Variants in FAS observed in about 807,000 individuals in gnomAD.
The protein encoded by FAS is Fas cell surface death receptor.
FAS carries 5 observed loss-of-function variants against 33.2 expected under a neutral mutation model. The observed-to-expected ratio is 0.15, with a 90% CI of 0.08 to 0.32. The LOEUF (loss-of-function observed/expected upper bound fraction) is 0.32. FAS is among the 10% of genes least tolerant of loss of function. The pLI is 1.00. For synonymous variants in FAS, 131 were observed against 130.7 expected (o/e 1.00, Z -0.01); for missense variants, 339 against 386.0 (o/e 0.88, Z 1.02).
chr10:88,993,553 A>G (rs1847401150), intron 1 of FAS, among the ~76,000 whole-genome samples: 1 of 152,148 alleles, frequency 6.6e-6, no homozygotes, highest in Non-Finnish European at 1.5e-5. Context: ...TCTCCTTTAC[A>G]TTTTGTAGAA....
intron 1 of FAS, chr10:88,991,444 A>C (rs1378573456): frequency 9.8e-6 from 2 of 203,418 alleles, no homozygotes; most frequent in African/African-American, 2.4e-5. Flanking sequence ...TCTCAGACGT[A>C]GGAAATAAGT....
At chr10:88,982,342 G>T (rs2133351016), upstream of FAS, among the ~76,000 whole-genome samples, 1 of 152,272 alleles carries the variant, frequency 6.6e-6, no homozygotes, top group Middle Eastern at 3.4e-3. Context: ...ATTAAAAGTT[G>T]CATGTGTATG....
upstream of FAS, among the ~76,000 whole-genome samples, chr10:88,988,434 TTTGTTTTTTATCTTAACTCTTCCTG>T (rs1564666912): frequency 8.7e-5 from 3 of 34,414 alleles, no homozygotes; most frequent in Non-Finnish European, 4.9e-5. Flanking sequence ...TTTTTTTTGT[TTTGTTTTTTATCTTAACTCTTCCTG>T]TTTTTTTACA....
chr10:88,983,009 G>A (rs758482155), upstream of FAS, among the ~76,000 whole-genome samples: 3 of 152,196 alleles, frequency 2.0e-5, no homozygotes, highest in African/African-American at 7.2e-5. Context: ...TCACATGGGA[G>A]CTGGTGAGAA....
chr10:88,989,533 T>C (rs1267646392), upstream of FAS: 1 of 543,744 alleles, frequency 1.8e-6, no homozygotes, highest in Non-Finnish European at 3.6e-6. Context: ...AACAGTCTAC[T>C]GAAAGGTGGA....
At chr10:88,979,559 C>T (rs780457943) in intron 2 of FAS, among the ~76,000 whole-genome samples, 4 of 152,028 alleles carry the variant, frequency 2.6e-5, no homozygotes, top group Non-Finnish European at 5.9e-5. Flanking sequence ...GTGAGAGTCT[C>T]ACACTAGGGC....
At chr10:88,967,788 C>T (rs1287704638) in intron 1 of FAS, among the ~76,000 whole-genome samples, 1 of 152,162 alleles carries the variant, frequency 6.6e-6, no homozygotes, top group Non-Finnish European at 1.5e-5. Context: ...AATGATGGCT[C>T]ACACACCAGA....
At chr10:88,979,178 T>C (rs560647082) in intron 2 of FAS, among the ~76,000 whole-genome samples, 3 of 152,210 alleles carry the variant, frequency 2.0e-5, no homozygotes, top group South Asian at 2.1e-4. Context: ...AAGCTGGTTT[T>C]AATGGGTTAT....
At chr10:88,965,982 G>C (rs191671417) in intron 1 of FAS, among the ~76,000 whole-genome samples, 1 of 152,102 alleles carries the variant, frequency 6.6e-6, no homozygotes, top group Non-Finnish European at 1.5e-5. Context: ...CTGAATTTAC[G>C]GAACCATGGT....
At chr10:88,993,346 A>G (rs1259264486) in intron 1 of FAS, among the ~76,000 whole-genome samples, 1 of 152,130 alleles carries the variant, frequency 6.6e-6, no homozygotes, top group Non-Finnish European at 1.5e-5. Flanking sequence ...ATTGGCCAAG[A>G]AACTTGAGCA....
chr10:88,987,195 A>G (rs139421701), upstream of FAS, among the ~76,000 whole-genome samples: 8 of 152,384 alleles, frequency 5.2e-5, no homozygotes, highest in African/African-American at 1.9e-4. Context: ...ATCCCTAGAT[A>G]GCAGTCTACA....
chr10:88,965,911 G>GT (rs1196273243), intron 1 of FAS, among the ~76,000 whole-genome samples: 1 of 152,148 alleles, frequency 6.6e-6, no homozygotes, highest in Non-Finnish European at 1.5e-5. Flanking sequence ...GTACACCAAT[G>GT]TTTTTTTCCA....
chr10:89,013,974 T>G, intron 8 of FAS, 145 bp from the exon 9 acceptor site: 1 of 796,634 alleles, frequency 1.3e-6, no homozygotes, highest in South Asian at 1.8e-5. Context: ...GTTGTCTTGT[T>G]TCTGTATTCC....
chr10:89,007,720 T>G lies in FAS; in HGVS notation c.217T>G (p.Cys73Gly), dbSNP rs751654768. 6.2e-7 allele frequency: 1 copy of G among 1,613,846 alleles called. No homozygotes were observed. The highest frequency in any genetic ancestry group is 8.5e-7 in the Non-Finnish European group (1 of 1,179,932). Residue 73 changes from cysteine (C) to glycine (G), a missense_variant, in exon 3 of 9, where the codon TGC (cysteine) becomes GGC (glycine). Physicochemically the swap from Cys to Gly is radical, Grantham distance 159. Coordinates refer to ENST00000652046, the MANE Select transcript of FAS (RefSeq NM_000043.6). Reference sequence around the variant, plus strand: ...GGCAGGTGAAAGGAAAGCTAGGGACTGCACAGTCAATGGGGATGAACCAGA... The same window carrying G: ...GGCAGGTGAAAGGAAAGCTAGGGACGGCACAGTCAATGGGGATGAACCAGA... ...CPPGERKARD[C>G]TVNGDEPDCV...
intron 1 of FAS, among the ~76,000 whole-genome samples, chr10:88,992,202 C>T (rs1202007594): frequency 6.6e-6 from 1 of 152,048 alleles, no homozygotes; most frequent in Non-Finnish European, 1.5e-5. Flanking sequence ...TGTCTGGGTC[C>T]ATTTTATGAT....
chr10:89,001,692 T>TG (rs1391798827), intron 1 of FAS, among the ~76,000 whole-genome samples: 4 of 152,208 alleles, frequency 2.6e-5, no homozygotes, highest in Non-Finnish European at 2.9e-5. Context: ...TCCTCACTGA[T>TG]GCTGCAGGCA....
chr10:88,967,218 C>A (rs1320287824), intron 1 of FAS, among the ~76,000 whole-genome samples: 4 of 152,144 alleles, frequency 2.6e-5, no homozygotes, highest in Admixed American at 2.6e-4. Context: ...GCTCCCAGTT[C>A]TTTAAACCTG....
In FAS at chr10:89,015,799, C is replaced by CT. The variant is rs1457954455; in HGVS notation, c.*1355dup. ...ATGTTTTTGGTATTTCTGGTTTTCT[C>CT]TTTTTTGGTAGGGGCTTGCTTTTTG... On this transcript the variant is annotated 3_prime_UTR_variant, in exon 9 of 9. Coordinates refer to ENST00000652046, the MANE Select transcript of FAS (RefSeq NM_000043.6). The CT allele has an allele frequency of 8.6e-6, 4 of 464,758 alleles. No individual in the cohort carries two copies. The highest frequency in any genetic ancestry group is 4.1e-5 in the East Asian group (1 of 24,312). 28.8% of individuals were successfully genotyped at this position (464,758 alleles called of 1,614,324 possible).
At chr10:88,989,836 T>C (rs1380374394), upstream of FAS, among the ~76,000 whole-genome samples, 2 of 152,208 alleles carry the variant, frequency 1.3e-5, no homozygotes, top group Non-Finnish European at 2.9e-5. Flanking sequence ...ACCTTTAGTG[T>C]GTCCAGTCTG....
Sources: allele counts gnomAD v4.1 joint callset (sites outside exome capture counted in the v4.1 genomes callset), GRCh38; gene constraint gnomAD v4.1.1; transcripts MANE v1.5; gene names NCBI Gene and HGNC (gene_info 2026-07-23, HGNC 2026-07-21).